JAKMIP3: variants seen among roughly 807,000 people sequenced by gnomAD.
JAKMIP3 encodes the protein janus kinase and microtubule-interacting protein 3.
A neutral mutation model predicts 118.5 loss-of-function variants in JAKMIP3; 58 were observed. That is an observed-to-expected ratio of 0.49 (90% CI 0.40 to 0.61). JAKMIP3 has a LOEUF of 0.61. Among genes scored for constraint, JAKMIP3 ranks in the 20% least tolerant of loss-of-function variants. JAKMIP3 has a pLI of 0.00. For missense variants in JAKMIP3, 950 were observed against 1,109.0 expected (o/e 0.86, Z 2.04); for synonymous variants, 486 against 451.2 (o/e 1.08, Z -0.98).
chr10:132,077,005 C>T (rs1461990504), intron 1 of JAKMIP3, among the ~76,000 whole-genome samples: 5 of 150,008 alleles, frequency 3.3e-5, no homozygotes, highest in East Asian at 2.0e-4. Flanking sequence ...TGGGTCTTAC[C>T]GCGTGAGGGC....
At chr10:132,068,645 A>G (rs2039326764) in intron 1 of JAKMIP3, among the ~76,000 whole-genome samples, 1 of 152,170 alleles carries the variant, frequency 6.6e-6, no homozygotes, top group African/African-American at 2.4e-5. Context: ...TAGCCCCAGG[A>G]GCTGCCTGGG....
At chr10:132,163,488 C>A in intron 20 of JAKMIP3, 76 bp downstream of exon 20, 1 of 1,326,268 alleles carries the variant, frequency 7.5e-7, no homozygotes, top group Non-Finnish European at 1.0e-6. Context: ...GGTCCTCCCA[C>A]GGCCACACCT....
intron 3 of JAKMIP3, among the ~76,000 whole-genome samples, chr10:132,123,354 AG>A (rs1297905456): frequency 6.6e-6 from 1 of 152,228 alleles, no homozygotes; most frequent in Non-Finnish European, 1.5e-5. Flanking sequence ...ACGTTGTTAA[AG>A]ACTCTCTAAA....
At chr10:132,048,667 CTTT>C (rs35729418) in intron 1 of JAKMIP3, among the ~76,000 whole-genome samples, 1 of 129,798 alleles carries the variant, frequency 7.7e-6, no homozygotes. Flanking sequence ...TGTTTCTTTT[CTTT>C]TTTTTTTTTT....
At chr10:132,064,551 T>C (rs897830211), upstream of JAKMIP3, among the ~76,000 whole-genome samples, 1 of 152,146 alleles carries the variant, frequency 6.6e-6, no homozygotes, top group East Asian at 1.9e-4. This position sits in a 1 kb window ranked among gnomAD's most constrained non-coding sequence, Gnocchi z 4.4. Context: ...AGGGATGTGA[T>C]TGTGGGGCAG....
intron 2 of JAKMIP3, among the ~76,000 whole-genome samples, chr10:132,109,206 C>T (rs574912818): frequency 2.0e-5 from 3 of 151,792 alleles, no homozygotes; most frequent in African/African-American, 4.8e-5. Flanking sequence ...GTCTCAGCTA[C>T]GTGGGAGGAT....
At chr10:132,072,274 G>A (rs1224882633) in intron 1 of JAKMIP3, among the ~76,000 whole-genome samples, 1 of 152,140 alleles carries the variant, frequency 6.6e-6, no homozygotes, top group Non-Finnish European at 1.5e-5. Flanking sequence ...GCTGGGTGCT[G>A]TGGCTCATGC....
chr10:132,042,190 C>CCTTCCTTT (rs1390986065), intron 1 of JAKMIP3, among the ~76,000 whole-genome samples: 1 of 147,038 alleles, frequency 6.8e-6, no homozygotes, highest in Admixed American at 6.8e-5. Flanking sequence ...CTCGCTCCTT[C>CCTTCCTTT]CTTCCTTCCT....
chr10:132,103,174 AG>A (rs1264384748), intron 1 of JAKMIP3, among the ~76,000 whole-genome samples: 4 of 151,922 alleles, frequency 2.6e-5, no homozygotes, highest in Non-Finnish European at 5.9e-5. Context: ...CAAGAGGGAA[AG>A]GTGCTTTTTT....
intron 11 of JAKMIP3, 47 bp downstream of exon 11, chr10:132,142,095 C>G (rs775051107): frequency 1.3e-6 from 2 of 1,546,808 alleles, no homozygotes; most frequent in Admixed American, 1.9e-5. Context: ...CGTGCCTTCC[C>G]GCTTGACCCC....
rs1022077707 is a variant in JAKMIP3 at position 132,065,956 on chromosome 10, G to A, written c.-243G>A. Among the ~76,000 whole-genome samples, 1 of 152,220 alleles carries A rather than the reference G, an allele frequency of 6.6e-6. No homozygotes were observed. The highest frequency in any genetic ancestry group is 1.5e-5 in the Non-Finnish European group (1 of 68,032). ...GCTCTTTGCTGAGTCATAGAAGCTC[G>A]GAGCTGATTTGCGCAAAAGCCGGAC... On this transcript the variant is annotated 5_prime_UTR_variant, in exon 1 of 24. Coordinates refer to ENST00000684848, the MANE Select transcript of JAKMIP3 (RefSeq NM_001323087.2). The surrounding 1 kb of genome is among the most constrained non-coding windows in gnomAD (Gnocchi z 5.6).
intron 1 of JAKMIP3, among the ~76,000 whole-genome samples, chr10:132,101,352 C>T (rs2044876694): frequency 6.6e-6 from 1 of 152,170 alleles, no homozygotes; most frequent in African/African-American, 2.4e-5. Context: ...ACCGACCCCC[C>T]AACCCCACCA....
At position 132,044,725 on chromosome 10, in the gene JAKMIP3, G is replaced by A. The variant is rs1239232660; in HGVS notation, c.-138+7987G>A. Among the ~76,000 whole-genome samples the A allele has an allele frequency of 2.0e-5, 3 of 152,064 alleles. No individual in the cohort carries two copies. The highest frequency in any genetic ancestry group is 6.6e-5 in the Admixed American group (1 of 15,260). ...CCATCTGAACCATTTTTAGGTGTGC[G>A]GCTCAGAGTAGGGACAATCGCAGTG... On this transcript the variant is annotated intron_variant, in intron 1 of 23. Coordinates refer to the JAKMIP3 transcript ENST00000657785. This position sits in a 1 kb window ranked among gnomAD's most constrained non-coding sequence, Gnocchi z 5.3.
chr10:132,123,985 G>GGC (rs1457218597), intron 3 of JAKMIP3, among the ~76,000 whole-genome samples: 9 of 152,320 alleles, frequency 5.9e-5, no homozygotes, highest in African/African-American at 2.2e-4. Flanking sequence ...AGAGTCCCAG[G>GGC]GCGTGGCTGT....
chr10:132,072,364 G>A (rs948454639), intron 1 of JAKMIP3, among the ~76,000 whole-genome samples: 4 of 152,118 alleles, frequency 2.6e-5, no homozygotes, highest in Admixed American at 6.5e-5. Flanking sequence ...GGGTAACATA[G>A]TGAAACCCAG....
chr10:132,161,035 T>C (rs185167488), intron 19 of JAKMIP3, among the ~76,000 whole-genome samples: 67 of 46,568 alleles, frequency 1.4e-3, no homozygotes, highest in African/African-American at 2.5e-3. Flanking sequence ...GGGGGCCTCT[T>C]CCTGTGTGAT....
intron 3 of JAKMIP3, among the ~76,000 whole-genome samples, chr10:132,119,075 G>A (rs964782173): frequency 8.5e-5 from 13 of 152,190 alleles, no homozygotes; most frequent in South Asian, 6.2e-4. Context: ...ACCCCCAGAG[G>A]CAGCTATTCA....
chr10:132,124,702 C>T (rs565725778), intron 3 of JAKMIP3, among the ~76,000 whole-genome samples: 4 of 152,352 alleles, frequency 2.6e-5, no homozygotes, highest in African/African-American at 7.2e-5. Context: ...GGCCATCATA[C>T]GAGCACCTAT....
intron 1 of JAKMIP3, among the ~76,000 whole-genome samples, chr10:132,046,411 G>A (rs926475114): frequency 1.3e-5 from 2 of 151,808 alleles, no homozygotes; most frequent in Non-Finnish European, 2.9e-5. Flanking sequence ...AGCCGAGATC[G>A]CGCCACTGCA....
Sources: gnomAD v4.1 joint callset for allele counts (sites outside exome capture counted in the v4.1 genomes callset) on GRCh38, gnomAD v4.1.1 for gene constraint, Gnocchi (gnomAD v3.1) non-coding constraint, MANE v1.5 for transcripts, NCBI Gene and HGNC (gene_info 2026-07-23, HGNC 2026-07-21) for gene names.